Variants in ACYP2 observed in about 807,000 individuals in gnomAD.
The protein encoded by ACYP2 is acylphosphatase 2, also known as acylphosphatase-2.
A neutral mutation model predicts 11.2 loss-of-function variants in ACYP2; 12 were observed. The observed-to-expected ratio is 1.08, with a 90% CI of 0.69 to 1.74. The LOEUF (loss-of-function observed/expected upper bound fraction) is 1.74. Ranked by LOEUF, ACYP2 falls within the 40% of genes most tolerant of loss-of-function variation. The pLI, the probability that ACYP2 is intolerant of heterozygous loss-of-function variation, is 0.00. For missense variants in ACYP2, 134 were observed against 101.9 expected (o/e 1.31, Z -1.35); for synonymous variants, 43 against 32.2 (o/e 1.33, Z -1.13).
intron 6 of ACYP2, among the ~76,000 whole-genome samples, chr2:54,160,115 G>T (rs1682645182): frequency 6.6e-6 from 1 of 152,176 alleles, no homozygotes; most frequent in African/African-American, 2.4e-5. Flanking sequence ...ACAAATGGTG[G>T]TTTATTCTCA....
chr2:53,987,450 A>G (rs1213631738), intron 2 of ACYP2, among the ~76,000 whole-genome samples: 2 of 152,070 alleles, frequency 1.3e-5, no homozygotes, highest in Admixed American at 1.3e-4. Flanking sequence ...TAGTTCATCT[A>G]CAGGTTTTTG....
intron 6 of ACYP2, among the ~76,000 whole-genome samples, chr2:54,266,174 C>T (rs565481744): frequency 6.6e-6 from 1 of 152,162 alleles, no homozygotes; most frequent in African/African-American, 2.4e-5. Context: ...TATACTAGAA[C>T]TTATGGTCTG....
intron 4 of ACYP2, among the ~76,000 whole-genome samples, chr2:54,113,449 T>C (rs1352584517): frequency 1.3e-5 from 2 of 152,054 alleles, no homozygotes; most frequent in African/African-American, 4.8e-5. Context: ...CACTGTATTG[T>C]CCAGGCTGGT....
At chr2:54,267,436 G>C in intron 6 of ACYP2, 1 of 1,377,772 alleles carries the variant, frequency 7.3e-7, no homozygotes. Context: ...CAGAAGGAGG[G>C]AGAAGGAATT....
intron 6 of ACYP2, among the ~76,000 whole-genome samples, chr2:54,173,491 T>C (rs1275862604): frequency 1.3e-5 from 2 of 152,222 alleles, no homozygotes; most frequent in African/African-American, 2.4e-5. Flanking sequence ...GTTCTGTAGG[T>C]TGCCTTTTCA....
rs1674795712 is a variant in ACYP2 at position 54,034,940 on chromosome 2, G to A, written c.63-16018G>A. ...CAGGAGAATCGCTTGAACCTGGGAG[G>A]CGGAGGTTGCAGTGAGCTGAGATCA... On this transcript the variant is annotated intron_variant, in intron 2 of 6. Transcript: ENST00000607452. Among the ~76,000 whole-genome samples, 3 of 148,634 alleles carry A rather than the reference G, an allele frequency of 2.0e-5. No individual in the cohort carries two copies. In the South Asian group the frequency reaches 6.5e-4, roughly 32 times the overall value.
intron 6 of ACYP2, among the ~76,000 whole-genome samples, chr2:54,237,308 T>C (rs1306501256): frequency 6.6e-6 from 1 of 151,398 alleles, no homozygotes; most frequent in Non-Finnish European, 1.5e-5. Context: ...AATCTCCTAA[T>C]GTATTATTAT....
intron 3 of ACYP2, chr2:54,051,076 A>G (rs1675839843): frequency 3.9e-6 from 2 of 519,206 alleles, no homozygotes; most frequent in Admixed American, 3.3e-5. Flanking sequence ...CTTGGTCACA[A>G]ATTCCTTTAA....
At chr2:54,194,183 G>C (rs1363172902) in intron 6 of ACYP2, among the ~76,000 whole-genome samples, 3 of 152,082 alleles carry the variant, frequency 2.0e-5, no homozygotes, top group Non-Finnish European at 2.9e-5. Context: ...GGTACCACAG[G>C]GGTGTGCCAC....
At chr2:54,051,645 C>T in intron 3 of ACYP2, 1 of 736,070 alleles carries the variant, frequency 1.4e-6, no homozygotes. Context: ...GAAAAGAAGG[C>T]TGCGAAGTTG....
chr2:54,060,897 T>G (rs1461175297), intron 4 of ACYP2, among the ~76,000 whole-genome samples: 1 of 152,160 alleles, frequency 6.6e-6, no homozygotes, highest in Non-Finnish European at 1.5e-5. Flanking sequence ...AAATACTTGT[T>G]TTTTTTTGTC....
chr2:53,998,350 A>C (rs2104525315), intron 2 of ACYP2, among the ~76,000 whole-genome samples: 1 of 152,292 alleles, frequency 6.6e-6, no homozygotes, highest in Admixed American at 6.5e-5. Context: ...ATGATAACTT[A>C]AGCAACTATA....
At chr2:53,990,953 C>T (rs998424627) in intron 2 of ACYP2, among the ~76,000 whole-genome samples, 5 of 152,046 alleles carry the variant, frequency 3.3e-5, no homozygotes, top group East Asian at 2.0e-4. Flanking sequence ...CCCGCCACCA[C>T]GCCCGGCTAA....
rs371033314 is a variant in ACYP2, at chr2:54,280,692, T to C, written c.405-23996T>C. 5.3e-4 allele frequency among the ~76,000 whole-genome samples: 80 copies of C among 152,330 alleles called. No homozygotes were observed. In the Middle Eastern group the frequency reaches 0.01, roughly 19 times the overall value. On this transcript the variant is annotated intron_variant, in intron 6 of 6. Transcript: ENST00000607452. ...AATATATGCCTTTCATTTAGCAACT[T>C]GGTGGTCTGTGACAACCTTCCTGAG... is the stretch of plus-strand genomic sequence containing the variant.
chr2:54,240,100 C>CA (rs1446422333), intron 6 of ACYP2, among the ~76,000 whole-genome samples: 1 of 152,126 alleles, frequency 6.6e-6, no homozygotes. Context: ...CTGTAACCAT[C>CA]TTATGTGACC....
At chr2:54,260,526 T>C (rs1271294323) in intron 6 of ACYP2, among the ~76,000 whole-genome samples, 2 of 152,118 alleles carry the variant, frequency 1.3e-5, no homozygotes, top group Non-Finnish European at 2.9e-5. Context: ...ATTATAATAA[T>C]TGATCTTAGA....
At chr2:54,091,443 C>T (rs891616795) in intron 4 of ACYP2, among the ~76,000 whole-genome samples, 8 of 151,994 alleles carry the variant, frequency 5.3e-5, no homozygotes, top group African/African-American at 1.9e-4. Flanking sequence ...ATGCCCTTAT[C>T]TCTTTTCTCT....
intron 4 of ACYP2, among the ~76,000 whole-genome samples, chr2:54,109,360 T>C (rs1558534352): frequency 6.6e-6 from 1 of 151,776 alleles, no homozygotes; most frequent in Non-Finnish European, 1.5e-5. Flanking sequence ...AGCTAAGCTA[T>C]GAGGATGCAA....
intron 6 of ACYP2, among the ~76,000 whole-genome samples, chr2:54,283,701 A>C (rs1688945464): frequency 6.6e-6 from 1 of 152,230 alleles, no homozygotes; most frequent in African/African-American, 2.4e-5. Flanking sequence ...AATTGGAACA[A>C]CTCGAATTTC....
Sources: gnomAD v4.1 joint callset for allele counts (sites outside exome capture counted in the v4.1 genomes callset) on GRCh38, gnomAD v4.1.1 for gene constraint, MANE v1.5 for transcripts, NCBI Gene and HGNC (gene_info 2026-07-23, HGNC 2026-07-21) for gene names.